Variants in MTMR14 observed in about 807,000 individuals in gnomAD.
MTMR14 encodes phosphatidylinositol-3,5-bisphosphate 3-phosphatase MTMR14.
In MTMR14, 48 loss-of-function variants were observed where a neutral mutation model predicts 86.3. The ratio of observed to expected loss-of-function variants is 0.56; its 90% confidence interval spans 0.44 to 0.71. MTMR14 has a LOEUF of 0.71. MTMR14 is among the 30% of genes least tolerant of loss of function. The pLI, the probability that MTMR14 is intolerant of heterozygous loss-of-function variation, is 0.00. For missense variants in MTMR14, 780 were observed against 834.6 expected (o/e 0.93, Z 0.81); for synonymous variants, 366 against 326.1 (o/e 1.12, Z -1.32).
intron 4 of MTMR14, 83 bp downstream of exon 4, chr3:9,668,877 C>A: frequency 1.4e-6 from 2 of 1,394,464 alleles, no homozygotes; most frequent in Non-Finnish European, 2.0e-6. Flanking sequence ...CCATGCCTCA[C>A]GCCTGTAATC....
At chr3:9,693,915 T>TTTC (rs2076209149) in intron 17 of MTMR14, among the ~76,000 whole-genome samples, 1 of 152,212 alleles carries the variant, frequency 6.6e-6, no homozygotes, top group Admixed American at 6.5e-5. Flanking sequence ...TGCAGCCTGA[T>TTTC]CAAGGTTCCA....
chr3:9,694,088 T>C (rs1004686133), intron 17 of MTMR14, among the ~76,000 whole-genome samples: 5 of 152,172 alleles, frequency 3.3e-5, no homozygotes, highest in Non-Finnish European at 7.4e-5. Flanking sequence ...TTTTCAGTTA[T>C]AGGTAGAAGC....
intron 18 of MTMR14, chr3:9,700,738 G>A (rs1354040747): frequency 1.3e-5 from 2 of 152,192 alleles, no homozygotes; most frequent in African/African-American, 4.8e-5. Context: ...CAACCCAGCA[G>A]ACAGTGGGTT....
At chr3:9,659,716 A>G (rs968316959) in intron 2 of MTMR14, 19 of 455,762 alleles carry the variant, frequency 4.2e-5, no homozygotes, top group Middle Eastern at 4.1e-4. Flanking sequence ...GTGTGGGATT[A>G]CAGGCATGAG....
Position 9,702,084 on chromosome 3 carries a change from C to T in MTMR14, c.*111C>T. The stretch of plus-strand genomic sequence containing the variant: ...TTCCAGGTCAGGGGAAATTTCAGTC[C>T]CCCATCTCCATCATGAACATGGCAG... On this transcript the variant is annotated 3_prime_UTR_variant, in exon 19 of 19. Transcript: ENST00000296003. 1 of 1,377,040 alleles carries T rather than the reference C, an allele frequency of 7.3e-7. No homozygotes were observed. The highest frequency in any genetic ancestry group is 1.0e-6 in the Non-Finnish European group (1 of 982,584). The allele number at this position is 1,377,040 out of a possible 1,614,324, so 85.3% of individuals were successfully genotyped here.
intron 17 of MTMR14, among the ~76,000 whole-genome samples, chr3:9,695,273 C>T (rs997586414): frequency 3.3e-5 from 5 of 152,356 alleles, no homozygotes; most frequent in Admixed American, 2.6e-4. Context: ...CACCTTCCTG[C>T]TTAGCATGGC....
intron 3 of MTMR14, among the ~76,000 whole-genome samples, chr3:9,667,440 A>AT (rs200578459): frequency 0.017 from 2,573 of 150,430 alleles, 77 homozygotes; most frequent in African/African-American, 0.058. Context: ...ATGTGTACAT[A>AT]TTTTTTTTTT....
At chr3:9,688,845 G>GTTT in intron 15 of MTMR14, 91 bp downstream of exon 15, 30 of 1,373,974 alleles carry the variant, frequency 2.2e-5, no homozygotes, top group South Asian at 9.7e-5. Flanking sequence ...GAGGTTTTTT[G>GTTT]TTTTTTTTTT....
Position 9,666,443 on chromosome 3 carries a change from G to A in MTMR14, c.418-2276G>A, listed in dbSNP as rs146647419. 4.6e-4 allele frequency among the ~76,000 whole-genome samples: 70 copies of A among 152,204 alleles called. No homozygotes were observed. The East Asian group carries it at 0.013, about 27-fold the overall frequency. The stretch of plus-strand genomic sequence containing the variant: ...CCACCACACCTGGCCAATGCCCAAA[G>A]TTTCACATCCTACTTAAGATATGCT... On this transcript the variant is annotated intron_variant, in intron 3 of 18. Coordinates refer to ENST00000296003, the MANE Select transcript of MTMR14 (RefSeq NM_001077525.3).
At position 9,690,080 on chromosome 3, in the gene MTMR14, C is replaced by T; in HGVS notation, c.1550C>T (p.Ser517Phe). 1.2e-6 allele frequency: 2 copies of T among 1,613,626 alleles called. No individual in the cohort carries two copies. Among genetic ancestry groups the T allele is most frequent in the Non-Finnish European group, 1.7e-6 (2 of 1,180,014 alleles). Residue 517 changes from serine to phenylalanine, a missense_variant, in exon 17 of 19, where the codon TCC becomes TTC. Coordinates refer to ENST00000296003, the MANE Select transcript of MTMR14 (RefSeq NM_001077525.3). ...LAEARSSSSS[S>F]SNHSDNFFRM... ...GAAGCCAGGTCTTCCAGCTCCTCTT[C>T]CTCAAACCATTCTGATAACTTTTTC...
rs550249569 is a variant in MTMR14 at position 9,650,892 on chromosome 3, A to G, written c.159+1150A>G. ...ATCCTCCGCCTCCCCAGTTCAAGCA[A>G]TTCTCCCTGCCTCAACTTCCCAAGT... is the stretch of plus-strand genomic sequence containing the variant. On this transcript the variant is annotated intron_variant, in intron 1 of 18. Transcript: ENST00000296003. 8.6e-5 allele frequency among the ~76,000 whole-genome samples: 13 copies of G among 151,616 alleles called. No homozygotes were observed. In the Middle Eastern group the frequency reaches 0.024, roughly 278 times the overall value.
intron 5 of MTMR14, among the ~76,000 whole-genome samples, chr3:9,670,492 T>C (rs1403595468): frequency 1.3e-5 from 2 of 152,254 alleles, no homozygotes; most frequent in African/African-American, 2.4e-5. Flanking sequence ...AGCAGTGAGA[T>C]AGAAAAATTT....
intron 17 of MTMR14, among the ~76,000 whole-genome samples, chr3:9,690,894 G>T (rs1430131443): frequency 6.6e-6 from 1 of 152,216 alleles, no homozygotes; most frequent in Non-Finnish European, 1.5e-5. Context: ...GGGGCATTTA[G>T]AAGAATGGGC....
intron 3 of MTMR14, among the ~76,000 whole-genome samples, chr3:9,663,438 T>G (rs1021836397): frequency 1.3e-5 from 2 of 151,330 alleles, no homozygotes; most frequent in African/African-American, 2.4e-5. Flanking sequence ...GTTGCCACTT[T>G]GGAAAGTTTT....
At chr3:9,668,627 G>A (rs958883445) in intron 3 of MTMR14, 92 bp from the exon 4 acceptor site, 3 of 1,363,016 alleles carry the variant, frequency 2.2e-6, no homozygotes, top group Non-Finnish European at 3.1e-6. Context: ...CCGTTATGCT[G>A]GCCTGGAAGA....
chr3:9,700,419 C>A (rs531342516), intron 18 of MTMR14: 1 of 152,304 alleles, frequency 6.6e-6, no homozygotes, highest in Non-Finnish European at 1.5e-5. Flanking sequence ...AACTTTGAGT[C>A]CAGAGTCCAT....
At chr3:9,688,517 C>G (rs2076034832) in intron 14 of MTMR14, among the ~76,000 whole-genome samples, 179 bp from the exon 15 acceptor site, 1 of 152,198 alleles carries the variant, frequency 6.6e-6, no homozygotes, top group African/African-American at 2.4e-5. Flanking sequence ...TTGGACAGAG[C>G]CTTGCAGCGT....
At chr3:9,695,429 T>C (rs913841294) in intron 17 of MTMR14, among the ~76,000 whole-genome samples, 1 of 152,318 alleles carries the variant, frequency 6.6e-6, no homozygotes, top group Middle Eastern at 3.4e-3. Flanking sequence ...TGCTGAGAGA[T>C]GCTTCTGTCC....
chr3:9,651,965 GGGA>G (rs1281956015), intron 1 of MTMR14, among the ~76,000 whole-genome samples: 2 of 152,054 alleles, frequency 1.3e-5, no homozygotes, highest in Non-Finnish European at 2.9e-5. Flanking sequence ...CCCAGTAGGT[GGGA>G]GTACAGGCGC....
Sources: allele counts gnomAD v4.1 joint callset (sites outside exome capture counted in the v4.1 genomes callset), GRCh38; gene constraint gnomAD v4.1.1; transcripts MANE v1.5; gene names NCBI Gene and HGNC (gene_info 2026-07-23, HGNC 2026-07-21).